The following RAP1GDS1 variants were observed in gnomAD, a reference collection of about 807,000 sequenced individuals.
RAP1GDS1 encodes the protein Rap1 GTPase-GDP dissociation stimulator 1.
In RAP1GDS1, 35 loss-of-function variants were observed where a neutral mutation model predicts 71.1. The observed-to-expected ratio is 0.49, with a 90% CI of 0.38 to 0.65. The LOEUF is 0.65. Among genes scored for constraint, RAP1GDS1 ranks in the 30% least tolerant of loss-of-function variants. The pLI is 0.00. For missense variants in RAP1GDS1, 663 were observed against 706.1 expected, an observed-to-expected ratio of 0.94 and a Z score of 0.69; for synonymous variants, 229 against 243.1, an observed-to-expected ratio of 0.94 and a Z score of 0.54.
intron 1 of RAP1GDS1, among the ~76,000 whole-genome samples, chr4:98,271,353 G>C (rs1241815448): frequency 6.6e-6 from 1 of 152,070 alleles, no homozygotes; most frequent in African/African-American, 2.4e-5. Context: ...AGGGGTGCTG[G>C]TAAATGTTTA....
At chr4:98,384,424 G>A (rs2110113492) in intron 5 of RAP1GDS1, among the ~76,000 whole-genome samples, 1 of 151,626 alleles carries the variant, frequency 6.6e-6, no homozygotes, top group East Asian at 1.9e-4. Context: ...CAGCTTTCTA[G>A]TCAGTTTGCT....
At chr4:98,280,294 C>A (rs1037592035) in intron 1 of RAP1GDS1, among the ~76,000 whole-genome samples, 1 of 152,104 alleles carries the variant, frequency 6.6e-6, no homozygotes, top group African/African-American at 2.4e-5. Context: ...TTTTAATGAT[C>A]GCCATTCTAA....
intron 2 of RAP1GDS1, among the ~76,000 whole-genome samples, chr4:98,310,706 TGTA>T (rs1387950190): frequency 1.3e-5 from 2 of 152,108 alleles, no homozygotes; most frequent in Non-Finnish European, 2.9e-5. Context: ...AAGTTCTAGA[TGTA>T]TGCCATCCAG....
chr4:98,438,238 G>GT, intron 14 of RAP1GDS1, among the ~76,000 whole-genome samples: 1 of 151,670 alleles, frequency 6.6e-6, no homozygotes, highest in African/African-American at 2.4e-5. Context: ...ACTTCTGCTT[G>GT]TTTTTTTATT....
chr4:98,360,253 C>T lies in RAP1GDS1; in HGVS notation c.361+7652C>T, dbSNP rs898891190. Among the ~76,000 whole-genome samples, 11 of 151,972 alleles carry T rather than the reference C, an allele frequency of 7.2e-5. 1 individual carries two copies. Among genetic ancestry groups the T allele is most frequent in the Admixed American group, 2.6e-4 (4 of 15,246 alleles). On this transcript the variant is annotated intron_variant, in intron 4 of 14. Coordinates refer to ENST00000408927, the MANE Select transcript of RAP1GDS1 (RefSeq NM_001100427.2). Reference sequence around the variant, plus strand: ...GTAATTGTTCTTAATTTTATAGATACGAAAGTAGAGGCAACCTGTGAGAGA... The same window carrying T: ...GTAATTGTTCTTAATTTTATAGATATGAAAGTAGAGGCAACCTGTGAGAGA...
chr4:98,261,433 C>A lies in RAP1GDS1; in HGVS notation c.-133C>A, dbSNP rs1721942414. 4 of 844,964 alleles carry A rather than the reference C, an allele frequency of 4.7e-6. No individual in the cohort carries two copies. In the South Asian group the frequency reaches 8.9e-5, roughly 19 times the overall value. The allele number at this position is 844,964 out of a possible 1,614,324, so 52.3% of individuals were successfully genotyped here. A position where few individuals can be genotyped will look rare whatever the true frequency, so the allele number is the denominator to read the frequency against. On this transcript the variant is annotated 5_prime_UTR_variant, in exon 1 of 15. Transcript: ENST00000408927. ...GCCTGCAGCAGCACCAGCTGCTCCT[C>A]CCCGGCGGCCGCCCCCCGCGGGTCC... is the stretch of plus-strand genomic sequence containing the variant.
chr4:98,261,680 G>C (rs1721992837), intron 1 of RAP1GDS1, 111 bp downstream of exon 1: 3 of 1,342,858 alleles, frequency 2.2e-6, no homozygotes, highest in East Asian at 5.5e-5. Flanking sequence ...CAGTCCCCGG[G>C]TGTGAGACGG....
At chr4:98,276,969 A>C (rs900150601) in intron 1 of RAP1GDS1, among the ~76,000 whole-genome samples, 1 of 152,194 alleles carries the variant, frequency 6.6e-6, no homozygotes, top group African/African-American at 2.4e-5. Context: ...ACTGAGGATC[A>C]GTAAGACCTG....
intron 1 of RAP1GDS1, among the ~76,000 whole-genome samples, chr4:98,264,373 G>T (rs1722437409): frequency 6.6e-6 from 1 of 152,056 alleles, no homozygotes; most frequent in South Asian, 2.1e-4. Flanking sequence ...TCCAGCCTGG[G>T]CAACAAGAGG....
chr4:98,373,707 T>C (rs988748649), intron 4 of RAP1GDS1, among the ~76,000 whole-genome samples: 2 of 152,194 alleles, frequency 1.3e-5, no homozygotes, highest in Admixed American at 6.5e-5. Flanking sequence ...ATCATGTCTT[T>C]TTAAATATAT....
intron 1 of RAP1GDS1, among the ~76,000 whole-genome samples, chr4:98,282,400 G>T (rs1725249669): frequency 6.6e-6 from 1 of 152,114 alleles, no homozygotes; most frequent in Admixed American, 6.6e-5. Flanking sequence ...TTTGCGTAGA[G>T]GTGTTTATAG....
intron 4 of RAP1GDS1, among the ~76,000 whole-genome samples, chr4:98,363,173 G>A (rs1484477926): frequency 6.6e-6 from 1 of 152,042 alleles, no homozygotes; most frequent in Non-Finnish European, 1.5e-5. Flanking sequence ...TAAGAGAAGA[G>A]GAAGAATATT....
intron 2 of RAP1GDS1, among the ~76,000 whole-genome samples, chr4:98,314,857 A>T (rs933566181): frequency 6.6e-6 from 1 of 152,148 alleles, no homozygotes; most frequent in Non-Finnish European, 1.5e-5. Flanking sequence ...CTGATGGGTA[A>T]ATAGACATTT....
intron 4 of RAP1GDS1, among the ~76,000 whole-genome samples, chr4:98,375,695 C>T (rs1234021067): frequency 6.6e-6 from 1 of 152,112 alleles, no homozygotes; most frequent in Non-Finnish European, 1.5e-5. Context: ...GTGTGTGTGT[C>T]ACTCTCACAA....
intron 13 of RAP1GDS1, 121 bp from the exon 14 acceptor site, chr4:98,436,819 C>A: frequency 1.0e-6 from 1 of 955,360 alleles, no homozygotes; most frequent in Non-Finnish European, 1.4e-6. Flanking sequence ...TTTTCTAGGT[C>A]ATTATTATTT....
In RAP1GDS1 at chr4:98,323,125, C is replaced by T. The variant is rs1180007551; in HGVS notation, c.113-20014C>T. Among the ~76,000 whole-genome samples the T allele has an allele frequency of 3.3e-5, 5 of 149,634 alleles. 1 individual carries two copies. Among genetic ancestry groups the T allele is most frequent in the African/African-American group, 1.2e-4 (5 of 40,228 alleles). ...ATCCCACAGAAATACAAACTACCATCAGAGAATACTACAAACACCTCTATG... is the reference window on the plus strand; with the variant it reads ...ATCCCACAGAAATACAAACTACCATTAGAGAATACTACAAACACCTCTATG... On this transcript the variant is annotated intron_variant, in intron 2 of 14. Transcript: ENST00000408927.
intron 6 of RAP1GDS1, among the ~76,000 whole-genome samples, chr4:98,402,176 ATTG>A (rs1360515059): frequency 6.6e-6 from 1 of 152,010 alleles, no homozygotes; most frequent in East Asian, 1.9e-4. Context: ...GGTTTAAGTG[ATTG>A]TTGTGCCTCA....
At chr4:98,392,217 T>C in intron 6 of RAP1GDS1, 137 bp downstream of exon 6, 2 of 844,544 alleles carry the variant, frequency 2.4e-6, no homozygotes, top group Non-Finnish European at 1.7e-6. Context: ...GATATTTCCA[T>C]CAATATTTTA....
At chr4:98,329,011 A>G (rs1401415622) in intron 2 of RAP1GDS1, among the ~76,000 whole-genome samples, 1 of 152,226 alleles carries the variant, frequency 6.6e-6, no homozygotes, top group East Asian at 1.9e-4. Context: ...TTACTCACTC[A>G]CTGTGAGGCT....
Sources: gnomAD v4.1 joint callset for allele counts (sites outside exome capture counted in the v4.1 genomes callset) on GRCh38, gnomAD v4.1.1 for gene constraint, MANE v1.5 for transcripts, NCBI Gene and HGNC (gene_info 2026-07-23, HGNC 2026-07-21) for gene names.